MFN1: variants seen among roughly 807,000 people sequenced by gnomAD.
The protein encoded by MFN1 is mitofusin-1.
Under a neutral mutation model 92.4 loss-of-function variants are expected in MFN1, and 65 were observed. The ratio of observed to expected loss-of-function variants is 0.70; its 90% CI spans 0.58 to 0.86. The LOEUF (loss-of-function observed/expected upper bound fraction) is 0.86, where lower values mean the gene tolerates loss of function less well. Among genes scored for constraint, MFN1 ranks in the 40% least tolerant of loss-of-function variants. The pLI is 0.00. For synonymous variants in MFN1, 297 were observed against 300.9 expected (o/e 0.99, Z 0.13); for missense variants, 781 against 868.0 (o/e 0.90, Z 1.26).
intron 10 of MFN1, among the ~76,000 whole-genome samples, chr3:179,375,896 A>G (rs1178587516): frequency 6.6e-6 from 1 of 152,232 alleles, no homozygotes; most frequent in Non-Finnish European, 1.5e-5. Context: ...GTGGCAATGA[A>G]TACATGAAAA....
intron 16 of MFN1, among the ~76,000 whole-genome samples, chr3:179,386,842 A>T (rs554106409): frequency 2.1e-4 from 32 of 152,114 alleles, no homozygotes; most frequent in Non-Finnish European, 3.8e-4. Flanking sequence ...TTCTCCTGAT[A>T]GATTAGGTTT....
At chr3:179,379,456 C>T (rs1258596719) in intron 14 of MFN1, among the ~76,000 whole-genome samples, 2 of 152,112 alleles carry the variant, frequency 1.3e-5, no homozygotes, top group Non-Finnish European at 2.9e-5. Context: ...CGGGTTCATG[C>T]GATTCTCCTG....
At chr3:179,361,179 G>T (rs1712560662) in intron 4 of MFN1, among the ~76,000 whole-genome samples, 1 of 152,154 alleles carries the variant, frequency 6.6e-6, no homozygotes. Flanking sequence ...GTTGTTTTGT[G>T]ATTAAGATTT....
chr3:179,390,738 G>A (rs1713868635), intron 17 of MFN1, among the ~76,000 whole-genome samples: 1 of 152,146 alleles, frequency 6.6e-6, no homozygotes, highest in Admixed American at 6.5e-5. Flanking sequence ...CCCATTAGCT[G>A]GCTTGTCAGA....
At chr3:179,373,181 A>C (rs569779436) in intron 9 of MFN1, among the ~76,000 whole-genome samples, 10 of 152,320 alleles carry the variant, frequency 6.6e-5, no homozygotes, top group African/African-American at 2.4e-4. Flanking sequence ...TCTATAGCTA[A>C]ATAATCTGTT....
chr3:179,367,827 G>A (rs1712859287), intron 8 of MFN1, among the ~76,000 whole-genome samples: 1 of 151,646 alleles, frequency 6.6e-6, no homozygotes, highest in East Asian at 1.9e-4. Context: ...GGGGGCTGAG[G>A]CCAGAAAATT....
chr3:179,353,644 G>A (rs574313569), intron 3 of MFN1, among the ~76,000 whole-genome samples: 20 of 152,318 alleles, frequency 1.3e-4, no homozygotes, highest in Admixed American at 6.5e-4. Context: ...AGTAGGAGGC[G>A]TACATTGGTG....
chr3:179,350,293 C>G (rs955691227), intron 2 of MFN1, among the ~76,000 whole-genome samples: 2 of 151,774 alleles, frequency 1.3e-5, no homozygotes, highest in South Asian at 4.2e-4. Context: ...CCCTCTCTTA[C>G]CATATTTTGA....
At chr3:179,369,130 G>A (rs916571021) in intron 9 of MFN1, among the ~76,000 whole-genome samples, 14 of 152,172 alleles carry the variant, frequency 9.2e-5, no homozygotes, top group African/African-American at 2.4e-4. Flanking sequence ...TATAGGATAC[G>A]TGAAGTCCCC....
At chr3:179,375,560 T>C (rs2108546324) in intron 10 of MFN1, among the ~76,000 whole-genome samples, 1 of 152,368 alleles carries the variant, frequency 6.6e-6, no homozygotes, top group Admixed American at 6.5e-5. Context: ...TGGACCTCAC[T>C]ATTCCTGTGT....
chr3:179,372,643 C>T (rs1244687319), intron 9 of MFN1, among the ~76,000 whole-genome samples: 1 of 152,056 alleles, frequency 6.6e-6, no homozygotes, highest in Non-Finnish European at 1.5e-5. Flanking sequence ...TATACTTACT[C>T]ATCATTATAT....
At chr3:179,369,252 T>G (rs1298248033) in intron 9 of MFN1, among the ~76,000 whole-genome samples, 1 of 152,122 alleles carries the variant, frequency 6.6e-6, no homozygotes, top group African/African-American at 2.4e-5. Flanking sequence ...CCCTCTGTTA[T>G]CCAGGCTGGA....
intron 17 of MFN1, among the ~76,000 whole-genome samples, chr3:179,390,703 C>A (rs1305587587): frequency 1.3e-5 from 2 of 152,164 alleles, no homozygotes; most frequent in Admixed American, 1.3e-4. Context: ...AAGAACTTAA[C>A]TTTCAGCTTT....
chr3:179,384,124 T>A (rs1713580135), intron 14 of MFN1, among the ~76,000 whole-genome samples: 1 of 152,226 alleles, frequency 6.6e-6, no homozygotes, highest in Non-Finnish European at 1.5e-5. Context: ...TTTTCAAGGT[T>A]TATCATCATG....
chr3:179,386,816 A>T (rs1713704493), intron 16 of MFN1, among the ~76,000 whole-genome samples, 187 bp downstream of exon 16: 1 of 152,080 alleles, frequency 6.6e-6, no homozygotes, highest in Non-Finnish European at 1.5e-5. Flanking sequence ...CCTCCTAATC[A>T]CTATTCTTCT....
intron 10 of MFN1, 139 bp from the exon 11 acceptor site, chr3:179,376,903 G>C: frequency 2.9e-6 from 2 of 699,574 alleles, no homozygotes; most frequent in South Asian, 5.8e-5. Flanking sequence ...AATATTACTT[G>C]AATCCTTTGA....
At chr3:179,349,376 A>G (rs1576998887) in intron 2 of MFN1, among the ~76,000 whole-genome samples, 1 of 152,302 alleles carries the variant, frequency 6.6e-6, no homozygotes, top group East Asian at 1.9e-4. Flanking sequence ...TCTCCTCCCC[A>G]ATTTAGCAGT....
At chr3:179,391,687 T>C (rs1017921306) in intron 17 of MFN1, among the ~76,000 whole-genome samples, 18 of 152,210 alleles carry the variant, frequency 1.2e-4, no homozygotes, top group African/African-American at 4.3e-4. Context: ...GCATCAAGGA[T>C]GAATCTAGTG....
Position 179,392,651 on chromosome 3 carries a change from T to A in MFN1, c.*592T>A, listed in dbSNP as rs1196577245. 2 of 152,236 alleles carry A rather than the reference T, an allele frequency of 1.3e-5. No individual in the cohort carries two copies. The highest frequency in any genetic ancestry group is 6.5e-5 in the Admixed American group (1 of 15,286). The allele number at this position is 152,236 out of a possible 1,614,324, so 9.4% of individuals were successfully genotyped here. A position where few individuals can be genotyped will look rare whatever the true frequency, so the allele number is the denominator to read the frequency against. The stretch of plus-strand genomic sequence containing the variant: ...GATAAAGGCTTGTTATAGTCACTTA[T>A]AAGTATCTGGGTCTAAGTAATTTCC... On this transcript the variant is annotated 3_prime_UTR_variant, in exon 18 of 18. Transcript: ENST00000471841.
Sources: allele counts gnomAD v4.1 joint callset (sites outside exome capture counted in the v4.1 genomes callset), GRCh38; gene constraint gnomAD v4.1.1; transcripts MANE v1.5; gene names NCBI Gene and HGNC (gene_info 2026-07-23, HGNC 2026-07-21).